ROBO2: variants seen among roughly 807,000 people sequenced by gnomAD.
ROBO2 encodes roundabout guidance receptor 2.
In ROBO2, 53 loss-of-function variants were observed where a neutral mutation model predicts 160.8. The observed-to-expected ratio is 0.33, with a 90% CI of 0.26 to 0.41. ROBO2 has a LOEUF of 0.41. Among genes scored for constraint, ROBO2 ranks in the 10% least tolerant of loss-of-function variants. ROBO2 has a pLI of 1.00. For synonymous variants in ROBO2, 664 were observed against 611.7 expected (o/e 1.09, Z -1.26); for missense variants, 1,577 against 1,722.4 (o/e 0.92, Z 1.49).
intron 2 of ROBO2, among the ~76,000 whole-genome samples, chr3:77,160,180 G>T (rs7428863): frequency 1.3e-5 from 2 of 151,770 alleles, no homozygotes; most frequent in Admixed American, 6.6e-5. Context: ...TACAAAACAC[G>T]ATTTTCAATG....
intron 2 of ROBO2, among the ~76,000 whole-genome samples, chr3:76,058,095 G>GT (rs56303102): frequency 1.5e-4 from 23 of 150,324 alleles, no homozygotes; most frequent in Non-Finnish European, 3.1e-4. Context: ...AGAGCTTTTT[G>GT]TTTTTTTTTT....
At chr3:76,133,360 A>G (rs1285797722) in intron 2 of ROBO2, among the ~76,000 whole-genome samples, 2 of 151,626 alleles carry the variant, frequency 1.3e-5, no homozygotes, top group African/African-American at 2.4e-5. Context: ...ACTCAAATAT[A>G]TATTTTCTCT....
intron 2 of ROBO2, among the ~76,000 whole-genome samples, chr3:76,218,505 C>G (rs970261738): frequency 2.0e-5 from 3 of 152,154 alleles, no homozygotes; most frequent in African/African-American, 7.2e-5. Flanking sequence ...CACAAGCATT[C>G]TTATACACCA....
chr3:76,914,537 T>G (rs569058586), intron 2 of ROBO2, among the ~76,000 whole-genome samples: 1 of 152,284 alleles, frequency 6.6e-6, no homozygotes, highest in South Asian at 2.1e-4. Context: ...GAAGAGCCAC[T>G]GGAGAAATAA....
At chr3:76,849,953 A>C (rs1205367320) in intron 2 of ROBO2, among the ~76,000 whole-genome samples, 2 of 152,136 alleles carry the variant, frequency 1.3e-5, no homozygotes, top group Non-Finnish European at 2.9e-5. Context: ...TTGGGAGGCC[A>C]AGGTGGGTGG....
chr3:77,442,139 C>T (rs1271430467), intron 2 of ROBO2, among the ~76,000 whole-genome samples: 2 of 152,016 alleles, frequency 1.3e-5, no homozygotes, highest in Non-Finnish European at 2.9e-5. Context: ...GGTGAAGCCC[C>T]ATCTCTACTA....
chr3:76,055,390 A>G (rs1186120978), intron 2 of ROBO2, among the ~76,000 whole-genome samples: 4 of 152,128 alleles, frequency 2.6e-5, no homozygotes, highest in African/African-American at 7.2e-5. Flanking sequence ...TATTTGTTAC[A>G]TGGCTATTCC....
At position 76,936,956 on chromosome 3, in the gene ROBO2, G is replaced by A. The variant is rs191295500; in HGVS notation, c.110-161058G>A. Among the ~76,000 whole-genome samples the A allele has an allele frequency of 4.4e-3, 675 of 152,056 alleles. 3 individuals carry two copies. The highest frequency in any genetic ancestry group is 0.015 in the African/African-American group (639 of 41,486). ...GGATGTCACAGAGTATTAAAATGAA[G>A]ACTAGCGTCTAAATTAACTAGCACA... On this transcript the variant is annotated intron_variant, in intron 2 of 26. Coordinates refer to the ROBO2 transcript ENST00000487694.
chr3:77,326,600 A>G (rs1482354431), intron 2 of ROBO2, among the ~76,000 whole-genome samples: 2 of 152,216 alleles, frequency 1.3e-5, no homozygotes, highest in African/African-American at 4.8e-5. Flanking sequence ...TTTAATTTCT[A>G]GAATGTGTCT....
At chr3:76,123,315 G>GA (rs1248055676) in intron 2 of ROBO2, among the ~76,000 whole-genome samples, 1 of 151,856 alleles carries the variant, frequency 6.6e-6, no homozygotes, top group Admixed American at 6.6e-5. Flanking sequence ...ATATCCTATC[G>GA]AAATGTTTTT....
chr3:77,119,360 C>T (rs1027760044), intron 2 of ROBO2, among the ~76,000 whole-genome samples: 3 of 152,104 alleles, frequency 2.0e-5, no homozygotes, highest in Non-Finnish European at 2.9e-5. Context: ...AATAAAAATA[C>T]AGTATTATAA....
intron 2 of ROBO2, among the ~76,000 whole-genome samples, chr3:76,721,082 C>G (rs1202118714): frequency 2.0e-5 from 3 of 152,098 alleles, no homozygotes; most frequent in Non-Finnish European, 4.4e-5. Context: ...TTACAATTAG[C>G]TAGGAAAACT....
chr3:76,718,646 A>C (rs1235524015), intron 2 of ROBO2, among the ~76,000 whole-genome samples: 1 of 152,176 alleles, frequency 6.6e-6, no homozygotes, highest in African/African-American at 2.4e-5. Context: ...GGCATTAGTG[A>C]TGTAGGTCTG....
chr3:76,175,626 TC>T (rs760205791), intron 2 of ROBO2, among the ~76,000 whole-genome samples: 82 of 152,218 alleles, frequency 5.4e-4, no homozygotes, highest in Non-Finnish European at 8.8e-4. Flanking sequence ...AAAGCTATAC[TC>T]CCTATCCTTG....
chr3:77,645,015 AAAAC>A, intron 25 of ROBO2, 111 bp downstream of exon 27: 1 of 1,119,816 alleles, frequency 8.9e-7, no homozygotes, highest in Middle Eastern at 2.0e-4. Flanking sequence ...CTCTGTTACA[AAAAC>A]AATCAATTGC....
intron 22 of ROBO2, among the ~76,000 whole-genome samples, chr3:77,619,807 T>C (rs969458270): frequency 1.8e-4 from 27 of 152,148 alleles, no homozygotes; most frequent in African/African-American, 6.5e-4. Flanking sequence ...ACAGATTACC[T>C]CCCAGGAGTA....
chr3:77,229,013 G>T (rs1209464339), intron 2 of ROBO2, among the ~76,000 whole-genome samples: 1 of 152,138 alleles, frequency 6.6e-6, no homozygotes, highest in Non-Finnish European at 1.5e-5. Flanking sequence ...TTGTCCCTAA[G>T]ATATCTGCCA....
chr3:77,245,312 G>T (rs1042895024), intron 2 of ROBO2, among the ~76,000 whole-genome samples: 1 of 152,116 alleles, frequency 6.6e-6, no homozygotes, highest in Non-Finnish European at 1.5e-5. Flanking sequence ...TTCTGAAAAC[G>T]CATTGCTACA....
At chr3:76,085,114 TATACAC>T (rs1203922789) in intron 2 of ROBO2, among the ~76,000 whole-genome samples, 1 of 129,064 alleles carries the variant, frequency 7.7e-6, no homozygotes, top group African/African-American at 2.7e-5. Context: ...TATATATATA[TATACAC>T]ACACACACAC....
Sources: gnomAD v4.1 joint callset for allele counts (sites outside exome capture counted in the v4.1 genomes callset) on GRCh38, gnomAD v4.1.1 for gene constraint, MANE v1.5 for transcripts, NCBI Gene and HGNC (gene_info 2026-07-23, HGNC 2026-07-21) for gene names.